LRRC41: variants seen among roughly 807,000 people sequenced by gnomAD.
LRRC41 encodes the protein leucine rich repeat containing 41, also known as leucine-rich repeat-containing protein 41.
Under a neutral mutation model 72.1 loss-of-function variants are expected in LRRC41, and 17 were observed. The observed-to-expected ratio is 0.24, with a 90% CI of 0.16 to 0.35. LRRC41 has a LOEUF of 0.35. Ranked by LOEUF, LRRC41 falls within the 10% of genes least tolerant of loss-of-function variation. The pLI, the probability that LRRC41 is intolerant of heterozygous loss-of-function variation, is 1.00. For missense variants in LRRC41, 759 were observed against 1,065.0 expected (o/e 0.71, Z 4.00); for synonymous variants, 427 against 431.0 (o/e 0.99, Z 0.11).
Position 46,279,265 on chromosome 1 carries a change from G to A in LRRC41, c.2144-8C>T. On this transcript the variant is annotated splice_region_variant and splice_polypyrimidine_tract_variant and intron_variant, in intron 8 of 9. Coordinates refer to ENST00000617190, the MANE Select transcript of LRRC41 (RefSeq NM_006369.5). The surrounding 1 kb of genome is among the most constrained non-coding windows in gnomAD (Gnocchi z 4.5). ...CCAGCAGGCCAGCATTCCCTGGAGAGAAGGGGAGAACGCCTATCACCTCCA... is the reference window on the plus strand; with the variant it reads ...CCAGCAGGCCAGCATTCCCTGGAGAAAAGGGGAGAACGCCTATCACCTCCA... 1 of 1,613,986 alleles carries A rather than the reference G, an allele frequency of 6.2e-7. No homozygotes were observed. The highest frequency in any genetic ancestry group is 1.1e-5 in the South Asian group (1 of 91,064).
In LRRC41 at chr1:46,278,693, T is replaced by C; in HGVS notation, c.*172A>G. On this transcript the variant is annotated 3_prime_UTR_variant, in exon 10 of 10. Coordinates refer to ENST00000617190, the MANE Select transcript of LRRC41 (RefSeq NM_006369.5). ...AAACCCAGCTGTGAGAATGCCTGTT[T>C]GCTGGGCCTCATCAAGGCCTCCAGG... is the stretch of plus-strand genomic sequence containing the variant. 1.5e-6 allele frequency: 1 copy of C among 655,564 alleles called. No individual in the cohort carries two copies. The highest frequency in any genetic ancestry group is 2.6e-6 in the Non-Finnish European group (1 of 384,332). 40.6% of individuals were successfully genotyped at this position (655,564 alleles called of 1,614,324 possible). A position where few individuals can be genotyped will look rare whatever the true frequency, so the allele number is the denominator to read the frequency against.
At position 46,278,391 on chromosome 1, in the gene LRRC41, A is replaced by C; in HGVS notation, c.*474T>G. The C allele has an allele frequency of 7.9e-7, 1 of 1,270,748 alleles. No homozygotes were observed. The allele number at this position is 1,270,748 out of a possible 1,614,324, so 78.7% of individuals were successfully genotyped here. A position where few individuals can be genotyped will look rare whatever the true frequency, so the allele number is the denominator to read the frequency against. Reference sequence around the variant, plus strand: ...GTTCTCTGGGAGAAAATCATCAAGAAGGGCTGCATGATGTTTGCCCAAAAT... The same window carrying C: ...GTTCTCTGGGAGAAAATCATCAAGACGGGCTGCATGATGTTTGCCCAAAAT... On this transcript the variant is annotated 3_prime_UTR_variant, in exon 10 of 10. Transcript: ENST00000617190.
In LRRC41 at chr1:46,302,773, T is replaced by C. The variant is rs1408757607; in HGVS notation, c.199+351A>G. ...GCCATCGCTGCCCACCGGTTCGACA[T>C]CCGAGACTCTCCTGCCCGGCCCAGC... On this transcript the variant is annotated intron_variant, in intron 1 of 9. Transcript: ENST00000617190. The surrounding 1 kb of genome is among the most constrained non-coding windows in gnomAD (Gnocchi z 4.7). 2.0e-6 allele frequency: 2 copies of C among 984,970 alleles called. No homozygotes were observed. The highest frequency in any genetic ancestry group is 1.2e-6 in the Non-Finnish European group (1 of 829,828). The allele number at this position is 984,970 out of a possible 1,614,324, so 61.0% of individuals were successfully genotyped here.
Position 46,285,333 on chromosome 1 carries a change from C to T in LRRC41, c.1495+29G>A. The T allele has an allele frequency of 6.2e-7, 1 of 1,609,974 alleles. No individual in the cohort carries two copies. ...AGCTGGTGCTGCTAGGCAATCTAAG[C>T]CCAATCCCTGCCACTCCAGGGTGCT... On this transcript the variant is annotated intron_variant, in intron 4 of 9. Transcript: ENST00000617190. The surrounding 1 kb of genome is among the most constrained non-coding windows in gnomAD (Gnocchi z 5.3).
rs772151406 is a variant in LRRC41 at position 46,279,256 on chromosome 1, C to T, written c.2145G>A (p.Gly715=). Residue 715 remains glycine (G), a splice_region_variant and synonymous_variant, in exon 9 of 10, where the codon GGG becomes GGA. Transcript: ENST00000617190. The surrounding 1 kb of genome is among the most constrained non-coding windows in gnomAD (Gnocchi z 4.5). ...KGLRLPGNRL[G]NAGLLALADV... ...CTGCCAAGGCCAGCAGGCCAGCATTCCCTGGAGAGAAGGGGAGAACGCCTA... is the reference window on the plus strand; with the variant it reads ...CTGCCAAGGCCAGCAGGCCAGCATTTCCTGGAGAGAAGGGGAGAACGCCTA... 1 of 1,614,110 alleles carries T rather than the reference C, an allele frequency of 6.2e-7. No homozygotes were observed. The highest frequency in any genetic ancestry group is 1.1e-5 in the South Asian group (1 of 91,064).
At position 46,286,968 on chromosome 1, in the gene LRRC41, G is replaced by A. The variant is rs367856255; in HGVS notation, c.358-469C>T. ...AGAGAAGCTGGGATTACAGGCGCCC[G>A]CCACCACACCTGGCTAATTTTTGTA... On this transcript the variant is annotated intron_variant, in intron 3 of 9. Transcript: ENST00000617190. The surrounding 1 kb of genome is among the most constrained non-coding windows in gnomAD (Gnocchi z 5.5). 4.9e-4 allele frequency among the ~76,000 whole-genome samples: 75 copies of A among 152,148 alleles called. 1 individual carries two copies. In the South Asian group the frequency reaches 0.014, roughly 29 times the overall value.
intron 1 of LRRC41, chr1:46,301,869 C>A: frequency 1.2e-6 from 1 of 803,676 alleles, no homozygotes; most frequent in Non-Finnish European, 1.5e-6. Flanking sequence ...GCCACCTCTT[C>A]GCCCAACTCC....
At chr1:46,290,024 T>C (rs907222695) in intron 3 of LRRC41, among the ~76,000 whole-genome samples, 1 of 152,214 alleles carries the variant, frequency 6.6e-6, no homozygotes, top group Non-Finnish European at 1.5e-5. Flanking sequence ...CATCTTGTGC[T>C]AACTTGTTAG....
intron 3 of LRRC41, among the ~76,000 whole-genome samples, chr1:46,292,094 A>G (rs1191548912): frequency 6.6e-6 from 1 of 151,852 alleles, no homozygotes; most frequent in East Asian, 1.9e-4. Flanking sequence ...TGGGTGGATC[A>G]CTTGATGTCA....
At chr1:46,291,532 T>C (rs1005316762) in intron 3 of LRRC41, among the ~76,000 whole-genome samples, 1 of 149,602 alleles carries the variant, frequency 6.7e-6, no homozygotes, top group Non-Finnish European at 1.5e-5. Context: ...AGATAAGGTC[T>C]CACTGTGTTG....
chr1:46,277,490 G>C lies in LRRC41; in HGVS notation c.*1375C>G, dbSNP rs1272693151. The C allele has an allele frequency of 4.8e-6, 2 of 414,784 alleles. No individual in the cohort carries two copies. The highest frequency in any genetic ancestry group is 2.3e-5 in the South Asian group (1 of 43,632). 25.7% of individuals were successfully genotyped at this position (414,784 alleles called of 1,614,324 possible). A position where few individuals can be genotyped will look rare whatever the true frequency, so the allele number is the denominator to read the frequency against. On this transcript the variant is annotated 3_prime_UTR_variant, in exon 10 of 10. Coordinates refer to ENST00000617190, the MANE Select transcript of LRRC41 (RefSeq NM_006369.5). Reference sequence around the variant, plus strand: ...AATAGATACCTAAATGATATTTATTGAATGAGTTAGAGTTGGGCTTGGTGC... The same window carrying C: ...AATAGATACCTAAATGATATTTATTCAATGAGTTAGAGTTGGGCTTGGTGC...
chr1:46,298,441 T>C, intron 1 of LRRC41, 71 bp from the exon 2 acceptor site: 1 of 900,868 alleles, frequency 1.1e-6, no homozygotes, highest in Non-Finnish European at 1.7e-6. Context: ...CCAAGCATTA[T>C]TTATTCTACT....
chr1:46,294,918 A>G (rs1271479746), intron 3 of LRRC41, among the ~76,000 whole-genome samples: 1 of 152,060 alleles, frequency 6.6e-6, no homozygotes. Context: ...TACAAAAGTC[A>G]TTAGAGTATA....
In LRRC41 at chr1:46,278,755, A is replaced by T. The variant is rs771749188; in HGVS notation, c.*110T>A. The T allele has an allele frequency of 1.0e-5, 11 of 1,100,218 alleles. No individual in the cohort carries two copies. The highest frequency in any genetic ancestry group is 2.2e-5 in the Admixed American group (1 of 46,106). 68.2% of individuals were successfully genotyped at this position (1,100,218 alleles called of 1,614,324 possible). A position where few individuals can be genotyped will look rare whatever the true frequency, so the allele number is the denominator to read the frequency against. On this transcript the variant is annotated 3_prime_UTR_variant, in exon 10 of 10. Coordinates refer to ENST00000617190, the MANE Select transcript of LRRC41 (RefSeq NM_006369.5). ...AGGGAAGAAGGAAAAAAGAGAAAAAAGGTGACAGAAAGAGAAAGATAGAAC... is the reference window on the plus strand; with the variant it reads ...AGGGAAGAAGGAAAAAAGAGAAAAATGGTGACAGAAAGAGAAAGATAGAAC...
Position 46,280,525 on chromosome 1 carries a change from G to A in LRRC41, c.1792C>T (p.Arg598Trp), listed in dbSNP as rs766336720. The A allele has an allele frequency of 4.3e-6, 7 of 1,614,122 alleles. No homozygotes were observed. Among genetic ancestry groups the A allele is most frequent in the Non-Finnish European group, 5.9e-6 (7 of 1,180,024 alleles). ...CLEQLEMGFPRGAQPAPLLCS... is the reference protein window; with the variant it reads ...CLEQLEMGFPWGAQPAPLLCS... The stretch of plus-strand genomic sequence containing the variant: ...AGCAGTGGGGCTGGCTGGGCTCCCC[G>A]TGGAAATCCCATCTCCAACTGCTCC... The change falls in exon 6 of 10, where the codon CGG becomes TGG. Residue 598 changes from arginine (R) to tryptophan (W), a missense_variant. Coordinates refer to ENST00000617190, the MANE Select transcript of LRRC41 (RefSeq NM_006369.5).
At position 46,278,332 on chromosome 1, in the gene LRRC41, G is replaced by A; in HGVS notation, c.*533C>T. Reference sequence around the variant, plus strand: ...CTTAGAGGAAGGAGATAGGGAAAAGGGGCTCCTTGCTCCACAGGGCCCTGT... The same window carrying A: ...CTTAGAGGAAGGAGATAGGGAAAAGAGGCTCCTTGCTCCACAGGGCCCTGT... On this transcript the variant is annotated 3_prime_UTR_variant, in exon 10 of 10. Coordinates refer to ENST00000617190, the MANE Select transcript of LRRC41 (RefSeq NM_006369.5). 4 of 1,537,468 alleles carry A rather than the reference G, an allele frequency of 2.6e-6. No individual in the cohort carries two copies. The highest frequency in any genetic ancestry group is 3.5e-6 in the Non-Finnish European group (4 of 1,129,958).
In LRRC41 at chr1:46,277,923, G is replaced by A. The variant is rs763313279; in HGVS notation, c.*942C>T. On this transcript the variant is annotated 3_prime_UTR_variant, in exon 10 of 10. Coordinates refer to ENST00000617190, the MANE Select transcript of LRRC41 (RefSeq NM_006369.5). Reference sequence around the variant, plus strand: ...GATGTAGAGCGCCACTTCTCTCTGGGCGAGTTGAAGGAGCTGTTTATCCTG... The same window carrying A: ...GATGTAGAGCGCCACTTCTCTCTGGACGAGTTGAAGGAGCTGTTTATCCTG... 5.6e-6 allele frequency: 9 copies of A among 1,614,118 alleles called. No individual in the cohort carries two copies. The East Asian group carries it at 1.6e-4, about 28-fold the overall frequency.
Position 46,277,888 on chromosome 1 carries a change from T to C in LRRC41, c.*977A>G. The C allele has an allele frequency of 1.9e-6, 3 of 1,614,006 alleles. No individual in the cohort carries two copies. The highest frequency in any genetic ancestry group is 2.5e-6 in the Non-Finnish European group (3 of 1,179,968). ...AGGCACTGAGCAGCTGTGTGGTGGATGAGGAGCAGGATGTAGAGCGCCACT... is the reference window on the plus strand; with the variant it reads ...AGGCACTGAGCAGCTGTGTGGTGGACGAGGAGCAGGATGTAGAGCGCCACT... On this transcript the variant is annotated 3_prime_UTR_variant, in exon 10 of 10. Transcript: ENST00000617190.
intron 6 of LRRC41, 38 bp downstream of exon 6, chr1:46,280,357 AC>A: frequency 6.2e-7 from 1 of 1,613,952 alleles, no homozygotes; most frequent in Non-Finnish European, 8.5e-7. Context: ...CTAGGTCCCC[AC>A]CTACTCCTCT....
Sources: allele counts gnomAD v4.1 joint callset (sites outside exome capture counted in the v4.1 genomes callset), GRCh38; gene constraint gnomAD v4.1.1; non-coding constraint Gnocchi (gnomAD v3.1); transcripts MANE v1.5; gene names NCBI Gene and HGNC (gene_info 2026-07-23, HGNC 2026-07-21).